Variants in TMPRSS11F observed in about 807,000 individuals in gnomAD.
TMPRSS11F encodes the protein transmembrane protease serine 11F.
TMPRSS11F carries 47 observed loss-of-function variants against 60.2 expected under a neutral mutation model. The observed-to-expected ratio is 0.78, with a 90% CI of 0.62 to 1.00. TMPRSS11F has a LOEUF of 1.00. TMPRSS11F is among the 50% of genes least tolerant of loss of function. The pLI is 0.00. For synonymous variants in TMPRSS11F, 166 were observed against 167.3 expected (o/e 0.99, Z 0.06); for missense variants, 519 against 522.9 (o/e 0.99, Z 0.07).
chr4:68,104,809 T>C (rs1306531761), intron 1 of TMPRSS11F, among the ~76,000 whole-genome samples: 1 of 152,220 alleles, frequency 6.6e-6, no homozygotes, highest in Non-Finnish European at 1.5e-5. Context: ...ATGCATCACA[T>C]TGATTGATGT....
rs56223617 is a variant in TMPRSS11F at position 68,103,445 on chromosome 4, CAAA to C, written c.12-4410_12-4408del. Among the ~76,000 whole-genome samples, 630 of 142,018 alleles carry C rather than the reference CAAA, an allele frequency of 4.4e-3. 1 individual carries two copies. Among genetic ancestry groups the C allele is most frequent in the Non-Finnish European group, 4.6e-3 (298 of 65,070 alleles). The allele number at this position is 142,018 out of a possible 152,430, so 93.2% of individuals were successfully genotyped here. A position where few individuals can be genotyped will look rare whatever the true frequency, so the allele number is the denominator to read the frequency against. On this transcript the variant is annotated intron_variant, in intron 1 of 9. Transcript: ENST00000356291. Reference sequence around the variant, plus strand: ...TGGGTGACAGAGTGAGACCCTGTCTCAAAAAAAAAAAAAAAAATTAGTTGACCA... The same window carrying C: ...TGGGTGACAGAGTGAGACCCTGTCTCAAAAAAAAAAAAAATTAGTTGACCA...
chr4:68,069,159 T>C (rs1577914295), intron 6 of TMPRSS11F, among the ~76,000 whole-genome samples: 2 of 152,234 alleles, frequency 1.3e-5, no homozygotes, highest in Admixed American at 1.3e-4. Context: ...AATTAAGCCT[T>C]GAAGAGGGAA....
chr4:68,112,951 A>G (rs191989714), intron 1 of TMPRSS11F, among the ~76,000 whole-genome samples: 10 of 152,322 alleles, frequency 6.6e-5, no homozygotes, highest in African/African-American at 2.4e-4. Flanking sequence ...TGCTCCATAG[A>G]AAGTAAAATT....
At chr4:68,101,270 A>T (rs555561181) in intron 1 of TMPRSS11F, among the ~76,000 whole-genome samples, 29 of 152,276 alleles carry the variant, frequency 1.9e-4, no homozygotes, top group African/African-American at 7.0e-4. Flanking sequence ...CCAAATGCCC[A>T]TTTATGTGTT....
chr4:68,063,971 A>G (rs1287684142), intron 8 of TMPRSS11F, among the ~76,000 whole-genome samples: 1 of 152,206 alleles, frequency 6.6e-6, no homozygotes, highest in Non-Finnish European at 1.5e-5. Flanking sequence ...AATAAAGTAT[A>G]TGTGATTTAA....
At chr4:68,099,152 A>C (rs1209154883) in intron 1 of TMPRSS11F, 114 bp from the exon 2 acceptor site, 1 of 845,528 alleles carries the variant, frequency 1.2e-6, no homozygotes, top group Non-Finnish European at 1.8e-6. Flanking sequence ...ACAGTGAGCA[A>C]CTTAGACCTT....
intron 1 of TMPRSS11F, among the ~76,000 whole-genome samples, chr4:68,112,824 C>G (rs1468408860): frequency 6.6e-6 from 1 of 151,892 alleles, no homozygotes; most frequent in Admixed American, 6.6e-5. Flanking sequence ...ATAATTATAC[C>G]TTCTCTTAGT....
At chr4:68,098,263 C>A (rs145801613) in intron 2 of TMPRSS11F, among the ~76,000 whole-genome samples, 131 of 152,076 alleles carry the variant, frequency 8.6e-4, no homozygotes, top group Non-Finnish European at 1.6e-3. Context: ...CGGGATCGTG[C>A]GACTGCACTC....
At position 68,063,937 on chromosome 4, in the gene TMPRSS11F, C is replaced by T. The variant is rs1029295973; in HGVS notation, c.1015+748G>A. On this transcript the variant is annotated intron_variant, in intron 8 of 9. Coordinates refer to ENST00000356291, the MANE Select transcript of TMPRSS11F (RefSeq NM_207407.2). ...AAGGAAAAAGCTATCATTACATTTG[C>T]GATTTAAATTATATGCTGAATAAAA... is the stretch of plus-strand genomic sequence containing the variant. Among the ~76,000 whole-genome samples, 4 of 152,000 alleles carry T rather than the reference C, an allele frequency of 2.6e-5. No individual in the cohort carries two copies. In the East Asian group the frequency reaches 5.8e-4, roughly 22 times the overall value.
chr4:68,105,884 C>T lies in TMPRSS11F; in HGVS notation c.12-6846G>A, dbSNP rs887708382. The stretch of plus-strand genomic sequence containing the variant: ...TTACTACCCAAATTCTCCATTTTAG[C>T]TGCTTTAAGATATTAACCACTCAGC... On this transcript the variant is annotated intron_variant, in intron 1 of 9. Transcript: ENST00000356291. Among the ~76,000 whole-genome samples the T allele has an allele frequency of 2.6e-5, 4 of 152,048 alleles. No homozygotes were observed. In the East Asian group the frequency reaches 7.7e-4, roughly 29 times the overall value.
chr4:68,089,938 C>T (rs945604408), intron 3 of TMPRSS11F, among the ~76,000 whole-genome samples: 4 of 152,070 alleles, frequency 2.6e-5, no homozygotes, highest in Non-Finnish European at 5.9e-5. Flanking sequence ...TCTCCATAGC[C>T]ATGCTTTTCA....
chr4:68,101,047 G>A (rs989172740), intron 1 of TMPRSS11F, among the ~76,000 whole-genome samples: 1 of 152,078 alleles, frequency 6.6e-6, no homozygotes, highest in African/African-American at 2.4e-5. Context: ...CAAGAAGCAC[G>A]AAATAACAAG....
At chr4:68,060,627 A>G (rs1337812181) in intron 8 of TMPRSS11F, among the ~76,000 whole-genome samples, 1 of 145,430 alleles carries the variant, frequency 6.9e-6, no homozygotes, top group African/African-American at 2.6e-5. Context: ...TCTAATTCCT[A>G]CTCGTTTATT....
intron 2 of TMPRSS11F, among the ~76,000 whole-genome samples, chr4:68,095,201 T>C (rs1724047399): frequency 6.6e-6 from 1 of 151,386 alleles, no homozygotes; most frequent in South Asian, 2.1e-4. Context: ...ATAATATGTA[T>C]TATATATAAG....
At chr4:68,100,024 GAATAAAAGC>G (rs149632609) in intron 1 of TMPRSS11F, among the ~76,000 whole-genome samples, 5,275 of 147,202 alleles carry the variant, frequency 0.036, 262 homozygotes, top group African/African-American at 0.11. Flanking sequence ...CAACTTTGAG[GAATAAAAGC>G]TCACCAGGTC....
At chr4:68,081,643 G>A (rs987007791) in intron 3 of TMPRSS11F, among the ~76,000 whole-genome samples, 58 of 152,198 alleles carry the variant, frequency 3.8e-4, no homozygotes, top group African/African-American at 1.2e-3. Flanking sequence ...AATCACACGA[G>A]CAAGTCTCAG....
At chr4:68,109,833 A>C (rs935509112) in intron 1 of TMPRSS11F, among the ~76,000 whole-genome samples, 1 of 152,180 alleles carries the variant, frequency 6.6e-6, no homozygotes, top group Non-Finnish European at 1.5e-5. Flanking sequence ...CTGGGCAATT[A>C]ATTTGAAGTT....
intron 5 of TMPRSS11F, 95 bp downstream of exon 5, chr4:68,072,228 A>ATATATATATATATATAT (rs1491207172): frequency 6.9e-5 from 6 of 86,606 alleles, no homozygotes; most frequent in Non-Finnish European, 1.0e-4. Context: ...TTCCAAAAAA[A>ATATATATATATATATAT]AAATATATAT....
rs577446765 is a variant in TMPRSS11F, at chr4:68,070,313, G to A, written c.515-306C>T. On this transcript the variant is annotated intron_variant, in intron 5 of 9. Coordinates refer to ENST00000356291, the MANE Select transcript of TMPRSS11F (RefSeq NM_207407.2). ...TAAATAAAGATAAATGTCCCTGACT[G>A]CTTTCTTTGGGGGCTCCAGTATAAT... Among the ~76,000 whole-genome samples the A allele has an allele frequency of 7.1e-5, 9 of 126,934 alleles. No homozygotes were observed. The South Asian group carries it at 1.0e-3, about 14-fold the overall frequency. 83.3% of individuals were successfully genotyped at this position (126,934 alleles called of 152,430 possible). A position where few individuals can be genotyped will look rare whatever the true frequency, so the allele number is the denominator to read the frequency against.
Sources: allele counts gnomAD v4.1 joint callset (sites outside exome capture counted in the v4.1 genomes callset), GRCh38; gene constraint gnomAD v4.1.1; transcripts MANE v1.5; gene names NCBI Gene and HGNC (gene_info 2026-07-23, HGNC 2026-07-21).